Variants in PCMT1 observed in about 807,000 individuals in gnomAD.
The protein encoded by PCMT1 is protein-L-isoaspartate(D-aspartate) O-methyltransferase.
Under a neutral mutation model 29.2 loss-of-function variants are expected in PCMT1, and 9 were observed. That is an observed-to-expected ratio of 0.31 (90% CI 0.19 to 0.54). PCMT1 has a LOEUF of 0.54. PCMT1 is among the 20% of genes least tolerant of loss of function. PCMT1 has a pLI of 0.95. For synonymous variants in PCMT1, 98 were observed against 97.5 expected (o/e 1.00, Z -0.03); for missense variants, 184 against 282.2 (o/e 0.65, Z 2.49).
rs1485111417 is a variant in PCMT1, at chr6:149,771,459, CA to C, written c.160+195del. 2.0e-5 allele frequency among the ~76,000 whole-genome samples: 3 copies of C among 151,996 alleles called. No individual in the cohort carries two copies. In the East Asian group the frequency reaches 5.8e-4, roughly 29 times the overall value. On this transcript the variant is annotated intron_variant, in intron 2 of 7. Transcript: ENST00000464889. ...ATGTATGTTTTTCTGTTTTCTCGAACAATATATAATATGTATAAAGAATTAA... is the reference window on the plus strand; with the variant it reads ...ATGTATGTTTTTCTGTTTTCTCGAACATATATAATATGTATAAAGAATTAA...
chr6:149,765,677 T>C (rs544228001), intron 1 of PCMT1: 25 of 376,278 alleles, frequency 6.6e-5, no homozygotes, highest in South Asian at 5.1e-4. Flanking sequence ...TTTTATTTTT[T>C]ATTTTTTTGC....
rs1775987281 is a variant in PCMT1 at position 149,805,558 on chromosome 6, C to G, written c.*37+3142C>G. On this transcript the variant is annotated intron_variant, in intron 7 of 7. Transcript: ENST00000464889. ...GCAGTGAGCTGAGATCGCGCCATTG[C>G]ACTCCAGCCTGGGCAACAGAGCGAG... 3.3e-5 allele frequency among the ~76,000 whole-genome samples: 5 copies of G among 151,302 alleles called. No homozygotes were observed. The South Asian group carries it at 1.0e-3, about 32-fold the overall frequency.
intron 1 of PCMT1, among the ~76,000 whole-genome samples, chr6:149,768,502 A>G (rs1205931781): frequency 7.8e-6 from 1 of 128,018 alleles, no homozygotes; most frequent in Non-Finnish European, 1.5e-5. Context: ...CTCAGGCTGG[A>G]GCGCAGTGGC....
chr6:149,802,495 G>A (rs774383737), intron 7 of PCMT1, 79 bp downstream of exon 7: 308 of 1,319,872 alleles, frequency 2.3e-4, no homozygotes, highest in Non-Finnish European at 2.9e-4. Flanking sequence ...CCATTATAAC[G>A]TCAGAAATTC....
chr6:149,786,115 C>A (rs12178823), intron 3 of PCMT1, among the ~76,000 whole-genome samples: 31,870 of 83,890 alleles, frequency 0.38, 9,569 homozygotes, highest in East Asian at 0.82. Flanking sequence ...GGCGGCCGGG[C>A]AGAGGCGCCC....
At position 149,759,141 on chromosome 6, in the gene PCMT1, C is replaced by T. The variant is rs150094633; in HGVS notation, c.55+9185C>T. ...CTGCCCGGCTCGGCCTCCCAAAGTG[C>T]TGGGATTACAGGCGTGAGCCACCGC... On this transcript the variant is annotated intron_variant, in intron 1 of 7. Coordinates refer to ENST00000464889, the MANE Select transcript of PCMT1 (RefSeq NM_001360452.2). Among the ~76,000 whole-genome samples the T allele has an allele frequency of 8.1e-4, 123 of 152,284 alleles. 2 individuals are homozygous for T. The East Asian group carries it at 0.02, about 25-fold the overall frequency.
intron 3 of PCMT1, among the ~76,000 whole-genome samples, chr6:149,788,209 G>A (rs1227338932): frequency 6.6e-6 from 1 of 152,086 alleles, no homozygotes; most frequent in Non-Finnish European, 1.5e-5. Flanking sequence ...CACTGTGCCC[G>A]GCCAATGCTC....
intron 3 of PCMT1, among the ~76,000 whole-genome samples, chr6:149,774,529 G>A (rs1787473719): frequency 7.7e-6 from 1 of 129,654 alleles, no homozygotes; most frequent in Admixed American, 8.5e-5. Context: ...GTGAGCCACT[G>A]GGCCCAGTCT....
At chr6:149,804,211 A>G (rs1252369588) in intron 7 of PCMT1, among the ~76,000 whole-genome samples, 1 of 152,108 alleles carries the variant, frequency 6.6e-6, no homozygotes, top group Non-Finnish European at 1.5e-5. Flanking sequence ...GGTTTATACA[A>G]TTACATAATT....
At chr6:149,775,694 A>T (rs2115264997) in intron 3 of PCMT1, among the ~76,000 whole-genome samples, 1 of 152,132 alleles carries the variant, frequency 6.6e-6, no homozygotes, top group Middle Eastern at 3.4e-3. Flanking sequence ...GTTGACAGAG[A>T]CCCTCATCTC....
intron 3 of PCMT1, among the ~76,000 whole-genome samples, chr6:149,789,664 G>A (rs187140956): frequency 4.6e-5 from 7 of 152,252 alleles, no homozygotes; most frequent in African/African-American, 1.4e-4. Flanking sequence ...GGTTGGAAAT[G>A]GGAGTAGGGT....
At position 149,802,236 on chromosome 6, in the gene PCMT1, T is replaced by C. The variant is rs560893042; in HGVS notation, c.541T>C (p.Leu181=). 9.9e-6 allele frequency: 16 copies of C among 1,612,614 alleles called. No homozygotes were observed. In the African/African-American group the frequency reaches 1.9e-4, roughly 19 times the overall value. The change falls in exon 7 of 8, where the codon TTG becomes CTG. Residue 181 remains leucine, a synonymous_variant. Coordinates refer to ENST00000464889, the MANE Select transcript of PCMT1 (RefSeq NM_001360452.2). ...GTTAAAGCCCGGAGGAAGATTGATA[T>C]TGCCTGTTGGTCCTGCAGGCGGAAA... is the stretch of plus-strand genomic sequence containing the variant. The part of the protein sequence containing the change: ...DQLKPGGRLI[L]PVGPAGGNQM...
chr6:149,785,390 T>C (rs1480321880), intron 3 of PCMT1, among the ~76,000 whole-genome samples: 1 of 150,358 alleles, frequency 6.7e-6, no homozygotes, highest in Non-Finnish European at 1.5e-5. Context: ...ATGTGGTATG[T>C]TTATTCAGTT....
At chr6:149,771,054 A>G (rs1583020738) in intron 1 of PCMT1, 108 bp from the exon 2 acceptor site, 3 of 577,266 alleles carry the variant, frequency 5.2e-6, no homozygotes, top group Admixed American at 3.4e-5. Flanking sequence ...ACAACTTCCA[A>G]TCATTCTCTC....
intron 1 of PCMT1, among the ~76,000 whole-genome samples, chr6:149,768,276 G>GA (rs1787174228): frequency 6.6e-6 from 1 of 151,876 alleles, no homozygotes; most frequent in Admixed American, 6.6e-5. Flanking sequence ...TTTTTTTAAA[G>GA]AAACGGGGTC....
intron 3 of PCMT1, among the ~76,000 whole-genome samples, chr6:149,789,461 G>A (rs1198628711): frequency 6.6e-6 from 1 of 152,112 alleles, no homozygotes; most frequent in African/African-American, 2.4e-5. Flanking sequence ...GGCCGAGGTG[G>A]GCGGATCACC....
intron 5 of PCMT1, 90 bp downstream of exon 5, chr6:149,793,759 T>C (rs765740888): frequency 2.6e-6 from 3 of 1,144,022 alleles, no homozygotes; most frequent in Non-Finnish European, 3.5e-6. Flanking sequence ...GAGGTAATTA[T>C]TGTATTTTTT....
chr6:149,764,084 C>CT (rs1319559598), intron 1 of PCMT1, among the ~76,000 whole-genome samples: 1 of 152,156 alleles, frequency 6.6e-6, no homozygotes, highest in Non-Finnish European at 1.5e-5. Flanking sequence ...CTTTGAGAGT[C>CT]TATGAATCAC....
intron 5 of PCMT1, chr6:149,795,303 T>A (rs1426093206): frequency 7.7e-6 from 3 of 388,390 alleles, no homozygotes; most frequent in Non-Finnish European, 1.5e-5. Context: ...CAAAAGCCTC[T>A]CCAGATGGTT....
Sources: gnomAD v4.1 joint callset for allele counts (sites outside exome capture counted in the v4.1 genomes callset) on GRCh38, gnomAD v4.1.1 for gene constraint, MANE v1.5 for transcripts, NCBI Gene and HGNC (gene_info 2026-07-23, HGNC 2026-07-21) for gene names.